The following RTL4 variants were observed in gnomAD, a reference collection of about 807,000 sequenced individuals.
RTL4 encodes retrotransposon Gag-like protein 4.
RTL4 carries 4 observed loss-of-function variants against 5.3 expected under a neutral mutation model. That is an observed-to-expected ratio of 0.75 (90% CI 0.37 to 1.72). RTL4 has a LOEUF of 1.72. RTL4 is among the 40% of genes most tolerant of loss of function. The pLI is 0.04. For missense variants in RTL4, 260 were observed against 227.1 expected (o/e 1.14, Z -0.93); for synonymous variants, 98 against 87.3 (o/e 1.12, Z -0.68).
chrX:112,323,845 C>T, the RTL4 span, among the ~76,000 whole-genome samples: 2 of 112,026 alleles, frequency 1.8e-5, no homozygotes, highest in Non-Finnish European at 3.8e-5. Context: ...TATAGCTTTC[C>T]TAGATTTTTC....
chrX:112,326,126 T>A, the RTL4 span, among the ~76,000 whole-genome samples: 1 of 111,450 alleles, frequency 9.0e-6, no homozygotes, highest in Non-Finnish European at 1.9e-5. Flanking sequence ...AGAATGGCGA[T>A]CATTAAAAAG....
At chrX:112,151,673 C>T in the RTL4 span, among the ~76,000 whole-genome samples, 5 of 112,099 alleles carry the variant, frequency 4.5e-5, no homozygotes, top group East Asian at 1.1e-3. Flanking sequence ...TTGCCCTATA[C>T]GTTCCCCTGG....
At chrX:112,283,219 G>A in the RTL4 span, among the ~76,000 whole-genome samples, 1 of 111,911 alleles carries the variant, frequency 8.9e-6, no homozygotes, top group Admixed American at 9.5e-5. Context: ...GGATCACCTA[G>A]GAATCAGGAA....
the RTL4 span, among the ~76,000 whole-genome samples, chrX:112,194,927 C>T: frequency 1.8e-5 from 2 of 111,829 alleles, no homozygotes; most frequent in East Asian, 2.8e-4. Context: ...TAATTTAGAG[C>T]TTGAAGAATA....
the RTL4 span, among the ~76,000 whole-genome samples, chrX:112,179,654 G>A: frequency 8.9e-6 from 1 of 112,278 alleles, no homozygotes; most frequent in East Asian, 2.8e-4. Flanking sequence ...ACATTTTTGA[G>A]GGCTTAACTA....
the RTL4 span, among the ~76,000 whole-genome samples, chrX:112,230,607 C>T: frequency 6.2e-5 from 7 of 112,499 alleles, no homozygotes; most frequent in Non-Finnish European, 9.4e-5. Flanking sequence ...CTGCATCGCT[C>T]ACGCTGGGAG....
At chrX:112,381,096 G>C in the RTL4 span, among the ~76,000 whole-genome samples, 2 of 111,228 alleles carry the variant, frequency 1.8e-5, no homozygotes, top group African/African-American at 6.5e-5. Flanking sequence ...GGGCAGCACC[G>C]AGACCCTTTG....
At chrX:112,227,709 C>T in the RTL4 span, among the ~76,000 whole-genome samples, 31 of 111,659 alleles carry the variant, frequency 2.8e-4, no homozygotes, top group Admixed American at 3.8e-4. Context: ...ATTAGTCATT[C>T]GGTAATATCG....
chrX:112,452,194 G>A (rs969128261), upstream of RTL4, among the ~76,000 whole-genome samples: 2 of 105,178 alleles, frequency 1.9e-5, no homozygotes, highest in Non-Finnish European at 3.9e-5. Context: ...AGGTTCAAGC[G>A]ATTCTCCTGC....
chrX:112,370,194 G>A, the RTL4 span, among the ~76,000 whole-genome samples: 191 of 111,019 alleles, frequency 1.7e-3, no homozygotes, highest in African/African-American at 6.0e-3. Flanking sequence ...GGACCCTGGG[G>A]GCCCCAGCAT....
chrX:112,336,226 A>G, the RTL4 span, among the ~76,000 whole-genome samples: 1 of 112,203 alleles, frequency 8.9e-6, no homozygotes, highest in African/African-American at 3.2e-5. Flanking sequence ...ATAGAAAGTT[A>G]GTGAATCAAG....
At chrX:112,316,882 C>T in the RTL4 span, among the ~76,000 whole-genome samples, 1 of 111,664 alleles carries the variant, frequency 9.0e-6, no homozygotes, top group South Asian at 3.8e-4. Context: ...ACTGCCCAAT[C>T]AGAACAAGGG....
chrX:112,457,454 G>A (rs1284726667), downstream of RTL4, among the ~76,000 whole-genome samples: 1 of 111,402 alleles, frequency 9.0e-6, no homozygotes, highest in Non-Finnish European at 1.9e-5. Context: ...GAGTGACTCT[G>A]AAATTACCTG....
chrX:112,242,071 C>A, the RTL4 span, among the ~76,000 whole-genome samples: 1 of 111,634 alleles, frequency 9.0e-6, no homozygotes, highest in Non-Finnish European at 1.9e-5. Flanking sequence ...GTTTTGGTAC[C>A]AGTACCATGC....
the RTL4 span, among the ~76,000 whole-genome samples, chrX:112,091,644 T>A: frequency 1.8e-5 from 2 of 111,596 alleles, no homozygotes; most frequent in African/African-American, 6.5e-5. Context: ...TGAGGACTTG[T>A]TTTGTGACCT....
the RTL4 span, among the ~76,000 whole-genome samples, chrX:112,435,825 T>C: frequency 8.9e-6 from 1 of 112,538 alleles, no homozygotes; most frequent in African/African-American, 3.2e-5. Context: ...ATTAAATCCA[T>C]ACATGCATGC....
chrX:112,373,585 A>G, the RTL4 span, among the ~76,000 whole-genome samples: 3,922 of 110,314 alleles, frequency 0.036, 195 homozygotes, highest in African/African-American at 0.12. Context: ...ATCTTTTTAA[A>G]AAGTCCAATT....
chrX:112,126,033 A>G, the RTL4 span, among the ~76,000 whole-genome samples: 1 of 111,457 alleles, frequency 9.0e-6, no homozygotes, highest in Admixed American at 9.6e-5. Context: ...TATCCCTATT[A>G]AAGTGAATCA....
the RTL4 span, among the ~76,000 whole-genome samples, chrX:112,342,837 C>T: frequency 2.2e-4 from 25 of 112,099 alleles, no homozygotes; most frequent in Middle Eastern, 4.7e-3. Flanking sequence ...CGTGGTGGCT[C>T]ATGCCTGTAA....
Sources: gnomAD v4.1 joint callset for allele counts (sites outside exome capture counted in the v4.1 genomes callset) on GRCh38, gnomAD v4.1.1 for gene constraint, MANE v1.5 for transcripts, NCBI Gene and HGNC (gene_info 2026-07-23, HGNC 2026-07-21) for gene names.